SLC5A12: variants seen among roughly 807,000 people sequenced by gnomAD.
The protein encoded by SLC5A12 is sodium-coupled monocarboxylate transporter 2.
In SLC5A12, 46 loss-of-function variants were observed where a neutral mutation model predicts 72.7. The ratio of observed to expected loss-of-function variants is 0.63; its 90% confidence interval spans 0.50 to 0.81. The LOEUF is 0.81. Among genes scored for constraint, SLC5A12 ranks in the 30% least tolerant of loss-of-function variants. The pLI, the probability that SLC5A12 is intolerant of heterozygous loss-of-function variation, is 0.00. For synonymous variants in SLC5A12, 275 were observed against 264.4 expected (o/e 1.04, Z -0.39); for missense variants, 683 against 740.7 (o/e 0.92, Z 0.90).
At chr11:26,695,525 G>A (rs1854788629) in intron 8 of SLC5A12, among the ~76,000 whole-genome samples, 1 of 152,090 alleles carries the variant, frequency 6.6e-6, no homozygotes, top group Non-Finnish European at 1.5e-5. Context: ...TGAGAATGAT[G>A]TTAATCCTGA....
chr11:26,680,772 C>T (rs546384823), intron 12 of SLC5A12, among the ~76,000 whole-genome samples: 1 of 152,148 alleles, frequency 6.6e-6, no homozygotes, highest in East Asian at 1.9e-4. Flanking sequence ...TTCCTCATAC[C>T]CAGTCACCTG....
intron 13 of SLC5A12, among the ~76,000 whole-genome samples, chr11:26,676,359 C>CAAAAAAA (rs57064388): frequency 9.2e-5 from 10 of 108,786 alleles, no homozygotes; most frequent in African/African-American, 2.8e-4. Context: ...TTCTAGAAAA[C>CAAAAAAA]AAAAAAAAAA....
At chr11:26,713,639 T>TC (rs1855283142) in intron 1 of SLC5A12, among the ~76,000 whole-genome samples, 1 of 152,184 alleles carries the variant, frequency 6.6e-6, no homozygotes, top group Non-Finnish European at 1.5e-5. Context: ...TAAGACTTTT[T>TC]CATGGTTATC....
chr11:26,683,070 C>T (rs1180415403), intron 11 of SLC5A12, among the ~76,000 whole-genome samples: 1 of 152,102 alleles, frequency 6.6e-6, no homozygotes, highest in Non-Finnish European at 1.5e-5. Flanking sequence ...AAAAGACTTT[C>T]TCAAAATACA....
chr11:26,679,703 A>T lies in SLC5A12; in HGVS notation c.1476-888T>A, dbSNP rs537157381. Among the ~76,000 whole-genome samples, 3 of 152,238 alleles carry T rather than the reference A, an allele frequency of 2.0e-5. No homozygotes were observed. In the East Asian group the frequency reaches 5.8e-4, roughly 30 times the overall value. On this transcript the variant is annotated intron_variant, in intron 12 of 14. Coordinates refer to ENST00000396005, the MANE Select transcript of SLC5A12 (RefSeq NM_178498.4). The stretch of plus-strand genomic sequence containing the variant: ...AGCATAGGTAGACGAGAAGAAACAG[A>T]ATTCAGAGTAGAAGGAAAACAATAG...
chr11:26,705,622 T>C (rs1245266429), intron 4 of SLC5A12, among the ~76,000 whole-genome samples: 3 of 152,116 alleles, frequency 2.0e-5, no homozygotes, highest in African/African-American at 7.2e-5. Context: ...TCACACATGG[T>C]TTGAGGTATA....
intron 13 of SLC5A12, 48 bp from the exon 14 acceptor site, chr11:26,673,577 C>T (rs2133130233): frequency 6.6e-7 from 1 of 1,505,974 alleles, no homozygotes; most frequent in Admixed American, 2.2e-5. Context: ...GCCTCCATGT[C>T]TTCCTTTACA....
At chr11:26,691,463 G>GTTT (rs34043474) in intron 9 of SLC5A12, among the ~76,000 whole-genome samples, 4 of 150,206 alleles carry the variant, frequency 2.7e-5, no homozygotes, top group African/African-American at 7.3e-5. Flanking sequence ...TTATGTACAT[G>GTTT]TTTTTTTTTG....
chr11:26,706,219 G>A (rs548783752), intron 4 of SLC5A12, among the ~76,000 whole-genome samples: 3 of 151,876 alleles, frequency 2.0e-5, no homozygotes, highest in African/African-American at 4.8e-5. Flanking sequence ...GAAGAACAGA[G>A]GTGTGGTACA....
intron 3 of SLC5A12, 22 bp from the exon 4 acceptor site, chr11:26,709,401 T>G: frequency 6.3e-7 from 1 of 1,576,960 alleles, no homozygotes; most frequent in African/African-American, 1.4e-5. Context: ...GAAAAAAATA[T>G]TAAAAGAAGT....
chr11:26,686,031 T>C (rs911320687), intron 10 of SLC5A12, among the ~76,000 whole-genome samples: 1 of 152,212 alleles, frequency 6.6e-6, no homozygotes, highest in African/African-American at 2.4e-5. Flanking sequence ...TTAATTATAC[T>C]ACCTTTAAGA....
At chr11:26,713,139 T>TATCTCCCATATCAATTC (rs1215944937) in intron 1 of SLC5A12, among the ~76,000 whole-genome samples, 4 of 152,106 alleles carry the variant, frequency 2.6e-5, no homozygotes, top group Non-Finnish European at 4.4e-5. Context: ...ATCAACCACA[T>TATCTCCCATATCAATTC]ATCTCCCATA....
intron 4 of SLC5A12, among the ~76,000 whole-genome samples, chr11:26,708,221 G>T (rs1445679055): frequency 1.3e-5 from 2 of 151,972 alleles, no homozygotes; most frequent in Non-Finnish European, 2.9e-5. Context: ...CAATGCATTA[G>T]AAATTGTTAT....
At chr11:26,691,742 T>C (rs561149647) in intron 9 of SLC5A12, 55 of 152,370 alleles carry the variant, frequency 3.6e-4, no homozygotes, top group African/African-American at 1.3e-3. Context: ...ATACATAATT[T>C]GTTTATACTT....
Position 26,692,517 on chromosome 11 carries a change from C to T in SLC5A12, c.1125G>A (p.Lys375=). Residue 375 remains lysine (K), a synonymous_variant, in exon 9 of 15, where the codon AAG becomes AAA. Coordinates refer to ENST00000396005, the MANE Select transcript of SLC5A12 (RefSeq NM_178498.4). ...VKSCFPHLSD[K]LSTWISKGLC... ...AGCCTTTACTGATCCAGGTGCTCAG[C>T]TTGTCGGAGAGATGAGGAAAACAGC... 1.9e-6 allele frequency: 3 copies of T among 1,613,858 alleles called. No homozygotes were observed. The highest frequency in any genetic ancestry group is 2.5e-6 in the Non-Finnish European group (3 of 1,179,736).
intron 4 of SLC5A12, among the ~76,000 whole-genome samples, chr11:26,708,588 A>G (rs570305150): frequency 1.3e-5 from 2 of 152,194 alleles, no homozygotes; most frequent in Admixed American, 6.6e-5. Flanking sequence ...AGGAAAGATA[A>G]TTCAACTGTC....
At chr11:26,701,409 C>T (rs1854955080) in intron 6 of SLC5A12, among the ~76,000 whole-genome samples, 1 of 152,158 alleles carries the variant, frequency 6.6e-6, no homozygotes, top group Non-Finnish European at 1.5e-5. Context: ...AAATTATGTA[C>T]ATTTGTTAGG....
At chr11:26,671,330 C>T (rs572284135) in intron 14 of SLC5A12, 79 bp from the exon 15 acceptor site, 3 of 1,321,114 alleles carry the variant, frequency 2.3e-6, no homozygotes, top group East Asian at 2.5e-5. Context: ...CTTGTTTAGG[C>T]CTTGGCTTCA....
chr11:26,721,948 T>C lies in SLC5A12; in HGVS notation c.-234A>G. ...TGGTGGTGGTATTGGCACCAAGAGA[T>C]GAGAATTTGAAATCTGACCCTAGCT... is the stretch of plus-strand genomic sequence containing the variant. On this transcript the variant is annotated 5_prime_UTR_variant, in exon 1 of 15. Coordinates refer to ENST00000396005, the MANE Select transcript of SLC5A12 (RefSeq NM_178498.4). The C allele has an allele frequency of 1.9e-6, 1 of 522,370 alleles. No homozygotes were observed. The highest frequency in any genetic ancestry group is 2.5e-5 in the South Asian group (1 of 39,552). 32.4% of individuals were successfully genotyped at this position (522,370 alleles called of 1,614,324 possible). A position where few individuals can be genotyped will look rare whatever the true frequency, so the allele number is the denominator to read the frequency against.
Sources: gnomAD v4.1 joint callset for allele counts (sites outside exome capture counted in the v4.1 genomes callset) on GRCh38, gnomAD v4.1.1 for gene constraint, MANE v1.5 for transcripts, NCBI Gene and HGNC (gene_info 2026-07-23, HGNC 2026-07-21) for gene names.